Variants in DHRS7B observed in about 807,000 individuals in gnomAD.
DHRS7B encodes the protein peroxisomal reductase activating PPAR-gamma.
A neutral mutation model predicts 26.4 loss-of-function variants in DHRS7B; 24 were observed. That is an observed-to-expected ratio of 0.91 (90% CI 0.66 to 1.28). The LOEUF is 1.28. Among genes scored for constraint, DHRS7B ranks in the 50% most tolerant of loss-of-function variants. The pLI, the probability that DHRS7B is intolerant of heterozygous loss-of-function variation, is 0.00. For synonymous variants in DHRS7B, 142 were observed against 166.4 expected (o/e 0.85, Z 1.13); for missense variants, 368 against 419.4 (o/e 0.88, Z 1.07).
chr17:21,148,067 T>C (rs1255237992), intron 1 of DHRS7B, among the ~76,000 whole-genome samples: 1 of 151,908 alleles, frequency 6.6e-6, no homozygotes, highest in Non-Finnish European at 1.5e-5. Flanking sequence ...AAAAATAAAA[T>C]AATTTTTGAA....
At chr17:21,128,589 A>G (rs1228130035) in intron 1 of DHRS7B, 5 of 152,196 alleles carry the variant, frequency 3.3e-5, no homozygotes, top group African/African-American at 7.2e-5. Flanking sequence ...AGTCCCAGCT[A>G]CTAGGGAGGC....
At chr17:21,183,493 T>TA in intron 3 of DHRS7B, 101 bp from the exon 4 acceptor site, 2 of 1,101,470 alleles carry the variant, frequency 1.8e-6, no homozygotes, top group Non-Finnish European at 2.6e-6. Context: ...CCTTAAAATA[T>TA]AAAGTTACAT....
intron 2 of DHRS7B, among the ~76,000 whole-genome samples, chr17:21,173,257 A>C (rs1247665892): frequency 6.6e-6 from 1 of 152,272 alleles, no homozygotes; most frequent in African/African-American, 2.4e-5. Flanking sequence ...GCAACAAGGC[A>C]CATGTATATG....
At chr17:21,185,181 C>A (rs1974604521) in intron 5 of DHRS7B, among the ~76,000 whole-genome samples, 1 of 152,188 alleles carries the variant, frequency 6.6e-6, no homozygotes, top group Non-Finnish European at 1.5e-5. Flanking sequence ...AAGGTAATTT[C>A]ACAAACTGTC....
At chr17:21,137,839 C>CTGCT (rs1973381958) in intron 1 of DHRS7B, among the ~76,000 whole-genome samples, 1 of 151,382 alleles carries the variant, frequency 6.6e-6, no homozygotes, top group Non-Finnish European at 1.5e-5. Context: ...ACCTCGTGAT[C>CTGCT]TGCTTGCCTC....
In DHRS7B at chr17:21,136,373, C is replaced by CAAT. The variant is rs1388740114; in HGVS notation, c.20+9383_20+9385dup. 3.3e-5 allele frequency among the ~76,000 whole-genome samples: 5 copies of CAAT among 150,106 alleles called. No homozygotes were observed. In the South Asian group the frequency reaches 1.0e-3, roughly 31 times the overall value. Reference sequence around the variant, plus strand: ...ATCCAGGACTCAAAGCCCTGTAACTCAATGTCACAAGGACTTTAAAAGCAC... The same window carrying CAAT: ...ATCCAGGACTCAAAGCCCTGTAACTCAATAATGTCACAAGGACTTTAAAAGCAC... On this transcript the variant is annotated intron_variant, in intron 1 of 6. Coordinates refer to ENST00000395511, the MANE Select transcript of DHRS7B (RefSeq NM_015510.5).
intron 1 of DHRS7B, among the ~76,000 whole-genome samples, chr17:21,163,408 T>TA (rs1369818947): frequency 6.6e-6 from 1 of 152,160 alleles, no homozygotes; most frequent in Non-Finnish European, 1.5e-5. Flanking sequence ...TATCAGAAAG[T>TA]AAAACTGCTT....
intron 1 of DHRS7B, chr17:21,127,771 G>C (rs1255557831): frequency 6.6e-6 from 1 of 152,168 alleles, no homozygotes; most frequent in Non-Finnish European, 1.5e-5. Flanking sequence ...AGTGATTGGA[G>C]AATCGTGAAG....
chr17:21,181,769 A>G (rs1041504368), intron 3 of DHRS7B, among the ~76,000 whole-genome samples: 1 of 152,202 alleles, frequency 6.6e-6, no homozygotes, highest in African/African-American at 2.4e-5. Flanking sequence ...TGTATATAGA[A>G]ACACAGCTGA....
At chr17:21,168,543 G>A (rs1567625268) in intron 1 of DHRS7B, among the ~76,000 whole-genome samples, 2 of 152,028 alleles carry the variant, frequency 1.3e-5, no homozygotes, top group Admixed American at 6.6e-5. Flanking sequence ...TAGTTTATGT[G>A]TTTTTTGTAG....
chr17:21,145,336 A>G (rs1284728139), intron 1 of DHRS7B, among the ~76,000 whole-genome samples: 1 of 152,050 alleles, frequency 6.6e-6, no homozygotes, highest in Non-Finnish European at 1.5e-5. Context: ...AAAAAAAAAG[A>G]AAATCAACCT....
intron 1 of DHRS7B, among the ~76,000 whole-genome samples, chr17:21,132,587 A>G (rs2143859439): frequency 6.7e-6 from 1 of 149,320 alleles, no homozygotes; most frequent in East Asian, 2.0e-4. Context: ...AGAAAGAGCT[A>G]GATTGGTTGC....
chr17:21,166,839 C>A (rs974649508), intron 1 of DHRS7B, among the ~76,000 whole-genome samples: 6 of 152,092 alleles, frequency 3.9e-5, no homozygotes, highest in African/African-American at 1.4e-4. Context: ...TGTAACATGG[C>A]AAATTATTTC....
chr17:21,151,666 A>G (rs1366045988), intron 1 of DHRS7B, among the ~76,000 whole-genome samples: 1 of 152,198 alleles, frequency 6.6e-6, no homozygotes, highest in Non-Finnish European at 1.5e-5. Context: ...GATACATGGA[A>G]TCACACTTAC....
intron 3 of DHRS7B, 138 bp from the exon 4 acceptor site, chr17:21,183,456 G>A (rs1597757778): frequency 1.3e-6 from 1 of 748,626 alleles, no homozygotes; most frequent in African/African-American, 1.8e-5. Flanking sequence ...CTGGTTTTGG[G>A]TTTAGTTTGC....
At chr17:21,188,287 A>C (rs1170732219) in intron 5 of DHRS7B, among the ~76,000 whole-genome samples, 1 of 152,120 alleles carries the variant, frequency 6.6e-6, no homozygotes, top group Non-Finnish European at 1.5e-5. Context: ...GTGTATATGC[A>C]TATATACCGT....
rs539354389 is a variant in DHRS7B, at chr17:21,146,628, A to T, written c.20+19637A>T. On this transcript the variant is annotated intron_variant, in intron 1 of 6. Transcript: ENST00000395511. ...TCAAGCATTTGAAATGGTCATTCAC[A>T]CCTCAAATTTATTTATATCTCAGTA... 2.0e-5 allele frequency among the ~76,000 whole-genome samples: 3 copies of T among 152,308 alleles called. No individual in the cohort carries two copies. The East Asian group carries it at 5.8e-4, about 29-fold the overall frequency.
chr17:21,143,360 C>T (rs2143939571), intron 1 of DHRS7B, among the ~76,000 whole-genome samples: 1 of 152,344 alleles, frequency 6.6e-6, no homozygotes, highest in Non-Finnish European at 1.5e-5. Context: ...CTGTGTCTAT[C>T]CAAAATTACT....
chr17:21,165,921 A>C (rs1411139287), intron 1 of DHRS7B, among the ~76,000 whole-genome samples: 1 of 151,530 alleles, frequency 6.6e-6, no homozygotes, highest in African/African-American at 2.4e-5. Context: ...GTCTCCAAAA[A>C]AAAAAAAAAA....
Sources: gnomAD v4.1 joint callset for allele counts (sites outside exome capture counted in the v4.1 genomes callset) on GRCh38, gnomAD v4.1.1 for gene constraint, MANE v1.5 for transcripts, NCBI Gene and HGNC (gene_info 2026-07-23, HGNC 2026-07-21) for gene names.